HSD11B2: variants seen among roughly 807,000 people sequenced by gnomAD.
The protein encoded by HSD11B2 is 11-beta-hydroxysteroid dehydrogenase type 2.
HSD11B2 carries 17 observed loss-of-function variants against 20.9 expected under a neutral mutation model. That is an observed-to-expected ratio of 0.81 (90% CI 0.56 to 1.22). The LOEUF is 1.22. Among genes scored for constraint, HSD11B2 ranks in the 50% most tolerant of loss-of-function variants. HSD11B2 has a pLI of 0.00. For synonymous variants in HSD11B2, 253 were observed against 255.4 expected (o/e 0.99, Z 0.09); for missense variants, 480 against 563.6 (o/e 0.85, Z 1.50).
chr16:67,432,172 A>G (rs923919732), intron 1 of HSD11B2, among the ~76,000 whole-genome samples: 2 of 149,280 alleles, frequency 1.3e-5, no homozygotes, highest in African/African-American at 5.0e-5. Context: ...GCTCTTAGAG[A>G]GCTGGGCTCA....
Position 67,437,243 on chromosome 16 carries a change from G to A in HSD11B2, c.*240G>A. 3.4e-6 allele frequency: 2 copies of A among 593,326 alleles called. No individual in the cohort carries two copies. The highest frequency in any genetic ancestry group is 6.0e-6 in the Non-Finnish European group (2 of 332,336). 36.8% of individuals were successfully genotyped at this position (593,326 alleles called of 1,614,324 possible). A position where few individuals can be genotyped will look rare whatever the true frequency, so the allele number is the denominator to read the frequency against. ...AGCCCAAACACCCTCCTGGCACAAC[G>A]CTCTACCCTGCAGCTTGGAGAACTC... is the stretch of plus-strand genomic sequence containing the variant. On this transcript the variant is annotated 3_prime_UTR_variant, in exon 5 of 5. Coordinates refer to ENST00000326152, the MANE Select transcript of HSD11B2 (RefSeq NM_000196.4).
At chr16:67,432,115 C>T (rs1282449894) in intron 1 of HSD11B2, among the ~76,000 whole-genome samples, 2 of 152,108 alleles carry the variant, frequency 1.3e-5, no homozygotes, top group Non-Finnish European at 2.9e-5. Context: ...AGCCTACACC[C>T]AGCACCCCAC....
chr16:67,431,398 CCTG>C lies in HSD11B2; in HGVS notation c.155_157del (p.Leu52del), dbSNP rs1407697311. 7.9e-7 allele frequency: 1 copy of C among 1,266,592 alleles called. No homozygotes were observed. The highest frequency in any genetic ancestry group is 1.6e-5 in the African/African-American group (1 of 63,326). The allele number at this position is 1,266,592 out of a possible 1,614,324, so 78.5% of individuals were successfully genotyped here. ...CCGCGCTCGACTGGCTGTGCCAGCGCCTGCTGCCCCCGCCGGCCGCACTCGCCG... is the reference window on the plus strand; with the variant it reads ...CCGCGCTCGACTGGCTGTGCCAGCGCCTGCCCCCGCCGGCCGCACTCGCCG... On this transcript the variant is annotated inframe_deletion, in exon 1 of 5. Coordinates refer to ENST00000326152, the MANE Select transcript of HSD11B2 (RefSeq NM_000196.4).
chr16:67,431,530 C>A lies in HSD11B2; in HGVS notation c.265+17C>A. ...TCATCACCGGTGAGTGCGCGGGTCG[C>A]GGAGCGCGGGGACTCCAGGCTCGAG... On this transcript the variant is annotated intron_variant, in intron 1 of 4. Coordinates refer to ENST00000326152, the MANE Select transcript of HSD11B2 (RefSeq NM_000196.4). 7.4e-7 allele frequency: 1 copy of A among 1,359,526 alleles called. No individual in the cohort carries two copies. The highest frequency in any genetic ancestry group is 1.7e-5 in the South Asian group (1 of 57,506). The allele number at this position is 1,359,526 out of a possible 1,614,324, so 84.2% of individuals were successfully genotyped here. A position where few individuals can be genotyped will look rare whatever the true frequency, so the allele number is the denominator to read the frequency against.
At chr16:67,433,241 C>G (rs1170222812) in intron 1 of HSD11B2, 1 of 152,180 alleles carries the variant, frequency 6.6e-6, no homozygotes, top group Non-Finnish European at 1.5e-5. Context: ...TGTCTCTCAA[C>G]ACCCGGCTGG....
chr16:67,433,377 G>T (rs1213821206), intron 1 of HSD11B2, among the ~76,000 whole-genome samples: 1 of 152,164 alleles, frequency 6.6e-6, no homozygotes, highest in Non-Finnish European at 1.5e-5. Flanking sequence ...GGCTACTCCT[G>T]GAGCTCAGCT....
At position 67,436,787 on chromosome 16, in the gene HSD11B2, C is replaced by T; in HGVS notation, c.1002C>T (p.Pro334=). 1 of 1,613,838 alleles carries T rather than the reference C, an allele frequency of 6.2e-7. No individual in the cohort carries two copies. The highest frequency in any genetic ancestry group is 1.3e-5 in the African/African-American group (1 of 75,060). The part of the protein sequence containing the change: ...AITDALLAAR[P]RRRYYPGQGL... ...CAGATGCGCTGCTGGCAGCTCGGCC[C>T]CGCCGCCGCTATTACCCCGGCCAGG... The change falls in exon 5 of 5, where the codon CCC becomes CCT. Residue 334 remains proline, a synonymous_variant. Transcript: ENST00000326152. The surrounding 1 kb of genome is among the most constrained non-coding windows in gnomAD (Gnocchi z 5.7).
rs1185957947 is a variant in HSD11B2 at position 67,431,254 on chromosome 16, G to A, written c.6G>A (p.Glu2=). ...CCCCAGCCCGCTGGGCCGCCATGGA[G>A]CGCTGGCCTTGGCCGTCGGGCGGCG... M[E]RWPWPSGGAW... The change falls in exon 1 of 5, where the codon GAG becomes GAA. Residue 2 remains glutamate, a synonymous_variant. Transcript: ENST00000326152. 4 of 1,249,050 alleles carry A rather than the reference G, an allele frequency of 3.2e-6. No individual in the cohort carries two copies. The highest frequency in any genetic ancestry group is 3.2e-5 in the African/African-American group (2 of 63,138). The allele number at this position is 1,249,050 out of a possible 1,614,324, so 77.4% of individuals were successfully genotyped here. A position where few individuals can be genotyped will look rare whatever the true frequency, so the allele number is the denominator to read the frequency against.
Position 67,431,262 on chromosome 16 carries a change from C to T in HSD11B2, c.14C>T (p.Pro5Leu). The change falls in exon 1 of 5, where the codon CCT becomes CTT. Residue 5 changes from proline (P) to leucine (L), a missense_variant. Physicochemically the swap from Pro to Leu is moderately conservative, Grantham distance 98. This residue lies in a region of HSD11B2 where 106 missense variants were observed against 82.8 expected (regional missense o/e 1.28). Transcript: ENST00000326152. Reference sequence around the variant, plus strand: ...CGCTGGGCCGCCATGGAGCGCTGGCCTTGGCCGTCGGGCGGCGCCTGGCTG... The same window carrying T: ...CGCTGGGCCGCCATGGAGCGCTGGCTTTGGCCGTCGGGCGGCGCCTGGCTG... The part of the protein sequence containing the change: MERW[P>L]WPSGGAWLLV... 7.9e-7 allele frequency: 1 copy of T among 1,260,056 alleles called. No individual in the cohort carries two copies. The highest frequency in any genetic ancestry group is 1.0e-6 in the Non-Finnish European group (1 of 992,878). The allele number at this position is 1,260,056 out of a possible 1,614,324, so 78.1% of individuals were successfully genotyped here.
chr16:67,431,537 C>CG, intron 1 of HSD11B2, 24 bp downstream of exon 1: 1 of 1,351,538 alleles, frequency 7.4e-7, no homozygotes, highest in Non-Finnish European at 9.5e-7. Flanking sequence ...TCGCGGAGCG[C>CG]GGGGACTCCA....
Position 67,436,387 on chromosome 16 carries a change from G to A in HSD11B2, c.802+1G>A. ...ATCCAGCCTGGCTGCTTCAAGACAGGTGGGAATCAGGGCTGGGGGTGGGGT... is the reference window on the plus strand; with the variant it reads ...ATCCAGCCTGGCTGCTTCAAGACAGATGGGAATCAGGGCTGGGGGTGGGGT... On this transcript the variant is annotated splice_donor_variant, in intron 4 of 4. Coordinates refer to ENST00000326152, the MANE Select transcript of HSD11B2 (RefSeq NM_000196.4). LOFTEE classifies it high-confidence loss of function. The surrounding 1 kb of genome is among the most constrained non-coding windows in gnomAD (Gnocchi z 5.7). 1 of 1,595,944 alleles carries A rather than the reference G, an allele frequency of 6.3e-7. No individual in the cohort carries two copies. The highest frequency in any genetic ancestry group is 8.6e-7 in the Non-Finnish European group (1 of 1,166,056).
Position 67,431,202 on chromosome 16 carries a change from C to A in HSD11B2, c.-47C>A. 1.8e-6 allele frequency: 2 copies of A among 1,092,070 alleles called. No homozygotes were observed. Among genetic ancestry groups the A allele is most frequent in the South Asian group, 4.0e-5 (1 of 24,962 alleles). The allele number at this position is 1,092,070 out of a possible 1,614,324, so 67.6% of individuals were successfully genotyped here. On this transcript the variant is annotated 5_prime_UTR_variant, in exon 1 of 5. Coordinates refer to ENST00000326152, the MANE Select transcript of HSD11B2 (RefSeq NM_000196.4). Reference sequence around the variant, plus strand: ...GGCCTAGAAGCTCTCTCTCCCCGCTCCCCGGCCCGGCCCCCGCCCCGCCCC... The same window carrying A: ...GGCCTAGAAGCTCTCTCTCCCCGCTACCCGGCCCGGCCCCCGCCCCGCCCC...
chr16:67,435,499 T>A, intron 1 of HSD11B2, 129 bp from the exon 2 acceptor site: 1 of 743,194 alleles, frequency 1.3e-6, no homozygotes, highest in Non-Finnish European at 2.4e-6. Context: ...GGGAAGGAGT[T>A]AGGGTTGTTG....
At position 67,437,060 on chromosome 16, in the gene HSD11B2, T is replaced by G; in HGVS notation, c.*57T>G. 1 of 1,554,118 alleles carries G rather than the reference T, an allele frequency of 6.4e-7. No homozygotes were observed. The highest frequency in any genetic ancestry group is 8.7e-7 in the Non-Finnish European group (1 of 1,145,510). The stretch of plus-strand genomic sequence containing the variant: ...CACAGGAGGCTCCGTGAGCCCTTGG[T>G]TCCTCCCCGAAAACCCCCAGCATTA... On this transcript the variant is annotated 3_prime_UTR_variant, in exon 5 of 5. Transcript: ENST00000326152.
Position 67,437,048 on chromosome 16 carries a change from G to A in HSD11B2, c.*45G>A, listed in dbSNP as rs917141105. On this transcript the variant is annotated 3_prime_UTR_variant, in exon 5 of 5. Coordinates refer to ENST00000326152, the MANE Select transcript of HSD11B2 (RefSeq NM_000196.4). ...CAGCCACTGCAGCACAGGAGGCTCCGTGAGCCCTTGGTTCCTCCCCGAAAA... is the reference window on the plus strand; with the variant it reads ...CAGCCACTGCAGCACAGGAGGCTCCATGAGCCCTTGGTTCCTCCCCGAAAA... 6.9e-6 allele frequency: 11 copies of A among 1,585,846 alleles called. No individual in the cohort carries two copies. Among genetic ancestry groups the A allele is most frequent in the South Asian group, 1.1e-5 (1 of 90,206 alleles).
At position 67,436,578 on chromosome 16, in the gene HSD11B2, C is replaced by A. The variant is rs572554059; in HGVS notation, c.803-10C>A. ...CTGATCCCACTCTGACCTTGCCACT[C>A]CTTCCCCAGAGTCAGTGAGAAACGT... is the stretch of plus-strand genomic sequence containing the variant. On this transcript the variant is annotated splice_polypyrimidine_tract_variant and intron_variant, in intron 4 of 4. Coordinates refer to ENST00000326152, the MANE Select transcript of HSD11B2 (RefSeq NM_000196.4). This position sits in a 1 kb window ranked among gnomAD's most constrained non-coding sequence, Gnocchi z 5.7. The A allele has an allele frequency of 1.9e-6, 3 of 1,613,938 alleles. No homozygotes were observed. The African/African-American group carries it at 4.0e-5, about 22-fold the overall frequency.
chr16:67,429,835 G>A (rs2040916848), upstream of HSD11B2, among the ~76,000 whole-genome samples: 1 of 152,222 alleles, frequency 6.6e-6, no homozygotes, highest in Non-Finnish European at 1.5e-5. Flanking sequence ...GCTGTGTCTG[G>A]TGGCAGAGAG....
In HSD11B2 at chr16:67,431,475, AGCGC is replaced by A; in HGVS notation, c.228_231del (p.Gln76HisfsTer40). Reference sequence around the variant, plus strand: ...GCGTTGTCCCGCCTGGCGCGCCCGCAGCGCCTGCCGGTGGCCACTCGCGCGGTGC... The same window carrying A: ...GCGTTGTCCCGCCTGGCGCGCCCGCACTGCCGGTGGCCACTCGCGCGGTGC... On this transcript the variant is annotated frameshift_variant, in exon 1 of 5. Coordinates refer to ENST00000326152, the MANE Select transcript of HSD11B2 (RefSeq NM_000196.4). LOFTEE classifies it high-confidence loss of function. 1.4e-6 allele frequency: 2 copies of A among 1,393,640 alleles called. No homozygotes were observed. The highest frequency in any genetic ancestry group is 1.9e-6 in the Non-Finnish European group (2 of 1,071,808). The allele number at this position is 1,393,640 out of a possible 1,614,324, so 86.3% of individuals were successfully genotyped here. A position where few individuals can be genotyped will look rare whatever the true frequency, so the allele number is the denominator to read the frequency against.
intron 1 of HSD11B2, chr16:67,432,823 C>A (rs55966046): frequency 0.22 from 32,859 of 152,226 alleles, 7,610 homozygotes; most frequent in African/African-American, 0.59. Flanking sequence ...AGGTTCCAGG[C>A]GCAGTGTGAA....
Sources: allele counts gnomAD v4.1 joint callset (sites outside exome capture counted in the v4.1 genomes callset), GRCh38; gene constraint gnomAD v4.1.1; regional missense constraint gnomAD v4.1.1; non-coding constraint Gnocchi (gnomAD v3.1); transcripts MANE v1.5; gene names NCBI Gene and HGNC (gene_info 2026-07-23, HGNC 2026-07-21).